Variants in ENAH observed in about 807,000 individuals in gnomAD.
ENAH encodes the protein ENAH actin regulator.
Under a neutral mutation model 78.7 loss-of-function variants are expected in ENAH, and 23 were observed. The ratio of observed to expected loss-of-function variants is 0.29; its 90% confidence interval spans 0.21 to 0.41. The LOEUF is 0.41. Ranked by LOEUF, ENAH falls within the 10% of genes least tolerant of loss-of-function variation. The pLI is 1.00. For missense variants in ENAH, 544 were observed against 691.0 expected (o/e 0.79, Z 2.39); for synonymous variants, 226 against 241.0 (o/e 0.94, Z 0.58).
At chr1:225,540,710 A>C (rs946586267) in intron 3 of ENAH, among the ~76,000 whole-genome samples, 27 of 151,982 alleles carry the variant, frequency 1.8e-4, no homozygotes, top group Non-Finnish European at 3.8e-4. Flanking sequence ...AAAAAAAAAA[A>C]AACTAAAGAA....
At position 225,628,800 on chromosome 1, in the gene ENAH, G is replaced by A. The variant is rs568759032; in HGVS notation, c.5+23886C>T. Among the ~76,000 whole-genome samples the A allele has an allele frequency of 2.4e-4, 36 of 151,698 alleles. No homozygotes were observed. The East Asian group carries it at 4.8e-3, about 20-fold the overall frequency. ...TGCATGCCTGTAATCCCAGCTACTC[G>A]GGAGGCTGAAGCAGAGAACTGCTTG... On this transcript the variant is annotated intron_variant, in intron 1 of 13. Transcript: ENST00000366843.
intron 2 of ENAH, among the ~76,000 whole-genome samples, chr1:225,558,755 T>C (rs1198481941): frequency 7.0e-6 from 1 of 143,134 alleles, no homozygotes; most frequent in Admixed American, 7.4e-5. Flanking sequence ...TGCCTCAGCC[T>C]CCCGAGTAGC....
intron 2 of ENAH, among the ~76,000 whole-genome samples, chr1:225,558,697 G>A (rs924413186): frequency 3.7e-5 from 5 of 136,864 alleles, no homozygotes; most frequent in East Asian, 2.4e-4. Context: ...GCAGTGGCGC[G>A]ATCTCGGCTC....
At chr1:225,580,422 C>T (rs2096810291) in intron 1 of ENAH, among the ~76,000 whole-genome samples, 1 of 152,128 alleles carries the variant, frequency 6.6e-6, no homozygotes, top group African/African-American at 2.4e-5. Flanking sequence ...GTTGAGACTG[C>T]AGCCCTGGCC....
intron 1 of ENAH, among the ~76,000 whole-genome samples, chr1:225,569,358 A>G (rs1000670172): frequency 1.3e-5 from 2 of 152,226 alleles, no homozygotes; most frequent in South Asian, 4.1e-4. Context: ...CAGCGTTAGG[A>G]GAAATAACCT....
At chr1:225,587,722 T>C (rs2147839259) in intron 1 of ENAH, among the ~76,000 whole-genome samples, 1 of 152,230 alleles carries the variant, frequency 6.6e-6, no homozygotes, top group East Asian at 1.9e-4. Context: ...AGAATAATGA[T>C]AGAAGACTAA....
At chr1:225,634,438 GA>G (rs960977943) in intron 1 of ENAH, among the ~76,000 whole-genome samples, 3 of 152,262 alleles carry the variant, frequency 2.0e-5, no homozygotes, top group South Asian at 2.1e-4. Context: ...TTCTGGGAGA[GA>G]AAGGTTAAGG....
chr1:225,634,902 T>G (rs964929564), intron 1 of ENAH, among the ~76,000 whole-genome samples: 1 of 152,242 alleles, frequency 6.6e-6, no homozygotes, highest in Non-Finnish European at 1.5e-5. Context: ...TTTTGGCTAT[T>G]TGGGGTCCCT....
intron 1 of ENAH, among the ~76,000 whole-genome samples, chr1:225,629,996 G>A (rs1021942908): frequency 1.3e-5 from 2 of 152,100 alleles, no homozygotes; most frequent in African/African-American, 4.8e-5. Flanking sequence ...GGAATGGCAT[G>A]AAAAATGGTC....
chr1:225,528,063 T>C (rs1017477299), intron 4 of ENAH, among the ~76,000 whole-genome samples: 2 of 152,204 alleles, frequency 1.3e-5, no homozygotes, highest in African/African-American at 2.4e-5. Flanking sequence ...GTCAAATATA[T>C]ACTTTCTGTC....
chr1:225,518,770 A>G (rs1263279849), intron 5 of ENAH, among the ~76,000 whole-genome samples: 3 of 152,210 alleles, frequency 2.0e-5, no homozygotes, highest in African/African-American at 7.2e-5. Flanking sequence ...CTCTAAAATA[A>G]TTCTTCCTCC....
rs1425759339 is a variant in ENAH, at chr1:225,558,702, C to T, written c.172-3619G>A. 4.6e-5 allele frequency among the ~76,000 whole-genome samples: 6 copies of T among 130,818 alleles called. No individual in the cohort carries two copies. In the East Asian group the frequency reaches 7.2e-4, roughly 16 times the overall value. The allele number at this position is 130,818 out of a possible 152,430, so 85.8% of individuals were successfully genotyped here. A position where few individuals can be genotyped will look rare whatever the true frequency, so the allele number is the denominator to read the frequency against. On this transcript the variant is annotated intron_variant, in intron 2 of 13. Coordinates refer to ENST00000366843, the MANE Select transcript of ENAH (RefSeq NM_018212.6). ...AGGCTGGAGTGCAGTGGCGCGATCT[C>T]GGCTCACTGCAAACTCCGCCTCCCA...
At position 225,495,457 on chromosome 1, in the gene ENAH, T is replaced by TG. The variant is rs2096244896; in HGVS notation, c.*2317_*2318insC. The stretch of plus-strand genomic sequence containing the variant: ...GAAATATAGCATGATTCAACACTGG[T>TG]TTTTTTTTTTTTTTTTTTTTGTCAG... On this transcript the variant is annotated 3_prime_UTR_variant, in exon 14 of 14. Transcript: ENST00000366843. 1 of 7,096 alleles carries TG rather than the reference T, an allele frequency of 1.4e-4. No individual in the cohort carries two copies. The highest frequency in any genetic ancestry group is 2.0e-3 in the Admixed American group (1 of 506). 0.4% of individuals were successfully genotyped at this position (7,096 alleles called of 1,614,324 possible).
At chr1:225,645,881 C>A (rs1227078935) in intron 1 of ENAH, among the ~76,000 whole-genome samples, 2 of 152,172 alleles carry the variant, frequency 1.3e-5, no homozygotes, top group Admixed American at 6.5e-5. Flanking sequence ...GTCCTCTTTA[C>A]CCTACACCAT....
Position 225,514,661 on chromosome 1 carries a change from C to A in ENAH, c.1153G>T (p.Asp385Tyr). Residue 385 changes from aspartate to tyrosine, a missense_variant, in exon 7 of 14, where the codon GAC becomes TAC. By Grantham distance (160) the Asp-to-Tyr change is radical. Coordinates refer to ENST00000366843, the MANE Select transcript of ENAH (RefSeq NM_018212.6). ...GCAAGTCCAGTTAAAGGGCGATTGT[C>A]TTCTGACATGGATGCCAAAAAGAAT... ...SGFFLASMSE[D>Y]NRPLTGLAAA... The A allele has an allele frequency of 6.2e-7, 1 of 1,604,180 alleles. No individual in the cohort carries two copies. The highest frequency in any genetic ancestry group is 8.5e-7 in the Non-Finnish European group (1 of 1,175,702).
intron 1 of ENAH, chr1:225,652,208 T>G: frequency 2.1e-6 from 1 of 479,678 alleles, no homozygotes; most frequent in Non-Finnish European, 2.7e-6. Flanking sequence ...AGAGGCACTT[T>G]ATTACCCGCA....
At chr1:225,648,990 C>T (rs539789396) in intron 1 of ENAH, among the ~76,000 whole-genome samples, 5 of 151,982 alleles carry the variant, frequency 3.3e-5, no homozygotes, top group Non-Finnish European at 5.9e-5. Flanking sequence ...TAAATAAGGT[C>T]GCAAGGTGGA....
intron 1 of ENAH, among the ~76,000 whole-genome samples, chr1:225,590,525 TA>T (rs1444180199): frequency 6.6e-6 from 1 of 152,178 alleles, no homozygotes. Flanking sequence ...CAAACTCACA[TA>T]AACAGCTGCC....
At chr1:225,523,328 T>C (rs1252942354) in intron 4 of ENAH, among the ~76,000 whole-genome samples, 1 of 151,168 alleles carries the variant, frequency 6.6e-6, no homozygotes, top group Non-Finnish European at 1.5e-5. Flanking sequence ...AGGCCAGGCA[T>C]GGGTGAGGTG....
Sources: gnomAD v4.1 joint callset for allele counts (sites outside exome capture counted in the v4.1 genomes callset) on GRCh38, gnomAD v4.1.1 for gene constraint, MANE v1.5 for transcripts, NCBI Gene and HGNC (gene_info 2026-07-23, HGNC 2026-07-21) for gene names.